Variants in PTPRE observed in about 807,000 individuals in gnomAD.
The protein encoded by PTPRE is receptor-type tyrosine-protein phosphatase epsilon.
In PTPRE, 51 loss-of-function variants were observed where a neutral mutation model predicts 102.0. The ratio of observed to expected loss-of-function variants is 0.50; its 90% CI spans 0.40 to 0.63. PTPRE has a LOEUF of 0.63. Ranked by LOEUF, PTPRE falls within the 30% of genes least tolerant of loss-of-function variation. The probability of loss-of-function intolerance (pLI) is 0.00; values close to 1 mark genes in which losing one functional copy is unlikely to be tolerated. For missense variants in PTPRE, 752 were observed against 915.1 expected (o/e 0.82, Z 2.30); for synonymous variants, 345 against 348.2 (o/e 0.99, Z 0.10).
At chr10:128,059,123 G>A (rs1030010090) in intron 7 of PTPRE, among the ~76,000 whole-genome samples, 5 of 152,218 alleles carry the variant, frequency 3.3e-5, no homozygotes, top group African/African-American at 7.2e-5. Context: ...CTAAGCAGAA[G>A]GCTATATTTT....
chr10:128,020,807 C>A (rs561746302), intron 2 of PTPRE, among the ~76,000 whole-genome samples: 1 of 152,120 alleles, frequency 6.6e-6, no homozygotes, highest in Non-Finnish European at 1.5e-5. Flanking sequence ...CGTGGGGCCC[C>A]ATTGTGGGTG....
intron 8 of PTPRE, 115 bp from the exon 9 acceptor site, chr10:128,061,564 G>A: frequency 7.6e-7 from 1 of 1,321,606 alleles, no homozygotes; most frequent in Non-Finnish European, 1.0e-6. Flanking sequence ...ACCTTTTCCT[G>A]TGTTTTGCAA....
chr10:127,951,110 AATAG>A (rs34836226), intron 1 of PTPRE, among the ~76,000 whole-genome samples: 8,780 of 152,150 alleles, frequency 0.058, 324 homozygotes, highest in East Asian at 0.082. Flanking sequence ...AATAAAGTGA[AATAG>A]ATAGGAAGCC....
At chr10:128,066,690 T>C (rs1490170252) in intron 11 of PTPRE, among the ~76,000 whole-genome samples, 1 of 152,142 alleles carries the variant, frequency 6.6e-6, no homozygotes, top group Non-Finnish European at 1.5e-5. Context: ...TAGAAGAAAG[T>C]TTAAAACCAT....
At chr10:127,914,093 T>G (rs1486862484) in intron 1 of PTPRE, among the ~76,000 whole-genome samples, 1 of 152,130 alleles carries the variant, frequency 6.6e-6, no homozygotes, top group South Asian at 2.1e-4. Flanking sequence ...CTTGCTCAGC[T>G]AGTTCACATG....
rs149925185 is a variant in PTPRE, at chr10:127,960,374, G to A, written c.-30-21900G>A. 2.9e-3 allele frequency among the ~76,000 whole-genome samples: 445 copies of A among 152,338 alleles called. 1 individual carries two copies. The highest frequency in any genetic ancestry group is 0.01 in the Middle Eastern group (3 of 294). On this transcript the variant is annotated intron_variant, in intron 1 of 20. Coordinates refer to ENST00000254667, the MANE Select transcript of PTPRE (RefSeq NM_006504.6). The stretch of plus-strand genomic sequence containing the variant: ...CAGACAAACCCCTCTATCGTTAATA[G>A]CAAAGATTTCTTATTTGTTCATTTG...
chr10:128,072,221 A>G lies in PTPRE; in HGVS notation c.1464+7A>G, dbSNP rs763101200. The stretch of plus-strand genomic sequence containing the variant: ...CAACGCATCCTTCATAGACGTACGT[A>G]TGCTGGCCTGGGTTGTGTTTATGCA... On this transcript the variant is annotated splice_region_variant and intron_variant, in intron 16 of 20. Coordinates refer to ENST00000254667, the MANE Select transcript of PTPRE (RefSeq NM_006504.6). 8.1e-6 allele frequency: 13 copies of G among 1,611,486 alleles called. No homozygotes were observed. In the East Asian group the frequency reaches 1.8e-4, roughly 22 times the overall value.
At chr10:128,017,083 G>A (rs1185568055) in intron 2 of PTPRE, among the ~76,000 whole-genome samples, 2 of 152,034 alleles carry the variant, frequency 1.3e-5, no homozygotes, top group Non-Finnish European at 2.9e-5. Context: ...GCAGAACTGA[G>A]GGGTCAGAAT....
chr10:127,928,620 G>A (rs1847200553), intron 1 of PTPRE, among the ~76,000 whole-genome samples: 1 of 152,156 alleles, frequency 6.6e-6, no homozygotes, highest in Non-Finnish European at 1.5e-5. Flanking sequence ...AGACTCATAG[G>A]CTTATCTGGA....
intron 1 of PTPRE, among the ~76,000 whole-genome samples, chr10:127,942,498 A>G (rs1261869431): frequency 1.3e-5 from 2 of 152,260 alleles, no homozygotes. Flanking sequence ...ATGAATGAAT[A>G]ACCAAAATGT....
At chr10:127,974,517 G>A (rs779421197) in intron 1 of PTPRE, among the ~76,000 whole-genome samples, 2 of 152,112 alleles carry the variant, frequency 1.3e-5, no homozygotes, top group Admixed American at 6.5e-5. Flanking sequence ...GGCTTGCCAC[G>A]ACCTAGCACT....
chr10:128,013,766 C>A (rs561424488), intron 2 of PTPRE, among the ~76,000 whole-genome samples: 1 of 152,122 alleles, frequency 6.6e-6, no homozygotes, highest in African/African-American at 2.4e-5. Context: ...TCCGCTGGCA[C>A]CTTCATCCTG....
intron 15 of PTPRE, 73 bp from the exon 16 acceptor site, chr10:128,072,065 C>A: frequency 7.7e-7 from 1 of 1,303,000 alleles, no homozygotes; most frequent in Non-Finnish European, 1.1e-6. Flanking sequence ...ATTTTGCAAG[C>A]TTGTAGCAAT....
chr10:127,929,838 C>T (rs1360262906), intron 1 of PTPRE, among the ~76,000 whole-genome samples: 1 of 152,096 alleles, frequency 6.6e-6, no homozygotes, highest in East Asian at 1.9e-4. Flanking sequence ...AGGCAGATCA[C>T]TTGAGGTCGG....
At position 128,069,710 on chromosome 10, in the gene PTPRE, G is replaced by A. The variant is rs749561947; in HGVS notation, c.1026G>A (p.Thr342=). The change falls in exon 13 of 21, where the codon ACG becomes ACA. Residue 342 remains threonine, a synonymous_variant. Coordinates refer to ENST00000254667, the MANE Select transcript of PTPRE (RefSeq NM_006504.6). Reference sequence around the variant, plus strand: ...CCCAAAGCGCGGGCGTGGGCCGGACGGGCACCTTCATTGTGATCGATGCCA... The same window carrying A: ...CCCAAAGCGCGGGCGTGGGCCGGACAGGCACCTTCATTGTGATCGATGCCA... ...VVHCSAGVGR[T]GTFIVIDAMM... The A allele has an allele frequency of 8.1e-6, 13 of 1,614,172 alleles. No individual in the cohort carries two copies. The South Asian group carries it at 8.8e-5, about 11-fold the overall frequency.
Position 128,040,990 on chromosome 10 carries a change from G to A in PTPRE, c.109G>A (p.Gly37Ser). 1 of 1,613,904 alleles carries A rather than the reference G, an allele frequency of 6.2e-7. No individual in the cohort carries two copies. The highest frequency in any genetic ancestry group is 8.5e-7 in the Non-Finnish European group (1 of 1,179,860). ...ADSNETTTTS[G>S]PPDPGASQPL... The stretch of plus-strand genomic sequence containing the variant: ...CAGCAACGAGACAACCACGACCTCA[G>A]GTAAGGACCCCTTTCCCTGGCTGCC... The change falls in exon 3 of 21, where the codon GGC (glycine) becomes AGC (serine). Residue 37 changes from glycine (G) to serine (S), a missense_variant and splice_region_variant. Physicochemically the swap from Gly to Ser is moderately conservative, Grantham distance 56. Around this residue, in one of 2 missense-constraint regions of PTPRE, gnomAD observed 116 missense variants for 90.8 expected, o/e 1.28. Transcript: ENST00000254667.
intron 6 of PTPRE, among the ~76,000 whole-genome samples, chr10:128,050,164 G>A (rs540343652): frequency 7.7e-6 from 1 of 129,522 alleles, no homozygotes; most frequent in African/African-American, 2.8e-5. Flanking sequence ...ATATCTGCTT[G>A]TGTATCAACA....
intron 17 of PTPRE, among the ~76,000 whole-genome samples, chr10:128,073,701 T>C (rs889727107): frequency 3.3e-5 from 5 of 152,256 alleles, no homozygotes; most frequent in African/African-American, 1.2e-4. Context: ...ATCCTTAGCC[T>C]ACATGTTATT....
chr10:127,931,829 T>C (rs1847466512), intron 1 of PTPRE, among the ~76,000 whole-genome samples: 2 of 152,354 alleles, frequency 1.3e-5, no homozygotes, highest in South Asian at 4.1e-4. Context: ...CACAACACCA[T>C]GGGCTTGATA....
Sources: gnomAD v4.1 joint callset for allele counts (sites outside exome capture counted in the v4.1 genomes callset) on GRCh38, gnomAD v4.1.1 for gene constraint, gnomAD v4.1.1 regional missense constraint, MANE v1.5 for transcripts, NCBI Gene and HGNC (gene_info 2026-07-23, HGNC 2026-07-21) for gene names.